RPS29: variants seen among roughly 807,000 people sequenced by gnomAD.
The protein encoded by RPS29 is ribosomal protein S29, also known as small ribosomal subunit protein uS14.
For synonymous variants in RPS29, 37 were observed against 26.9 expected (o/e 1.37, Z -1.16); for missense variants, 60 against 75.7 (o/e 0.79, Z 0.77).
intron 2 of RPS29, chr14:49,585,652 G>A: frequency 2.3e-6 from 1 of 438,954 alleles, no homozygotes; most frequent in Non-Finnish European, 4.0e-6. Flanking sequence ...CAATTTTAGT[G>A]GCTTCTCTAA....
At chr14:49,580,930 A>G (rs1487530014), downstream of RPS29, among the ~76,000 whole-genome samples, 1 of 151,864 alleles carries the variant, frequency 6.6e-6, no homozygotes, top group Non-Finnish European at 1.5e-5. Context: ...TCACGCCTGT[A>G]ATCCCAGCAC....
intron 2 of RPS29, chr14:49,585,583 TA>T (rs71441227): frequency 0.096 from 27,135 of 282,294 alleles, 1 homozygote; most frequent in East Asian, 0.17. Context: ...ACCCTATCTC[TA>T]AAAAAAAAAA....
chr14:49,585,674 C>A, intron 2 of RPS29: 1 of 449,670 alleles, frequency 2.2e-6, no homozygotes, highest in South Asian at 5.1e-5. Context: ...GTGAATTTCA[C>A]CAAACACAAT....
At chr14:49,580,572 T>C (rs989783225), downstream of RPS29, among the ~76,000 whole-genome samples, 3 of 152,084 alleles carry the variant, frequency 2.0e-5, no homozygotes, top group Non-Finnish European at 2.9e-5. Flanking sequence ...TTCAATCACA[T>C]GTTTTCAAAA....
At chr14:49,583,047 G>A (rs972730624), downstream of RPS29, among the ~76,000 whole-genome samples, 3 of 152,124 alleles carry the variant, frequency 2.0e-5, no homozygotes, top group African/African-American at 7.2e-5. Context: ...GTCTCAGTAT[G>A]TTGCCCAGGG....
exon 3 of RPS29, chr14:49,571,934 C>G (rs879710644): frequency 6.6e-6 from 1 of 152,074 alleles, no homozygotes; most frequent in Non-Finnish European, 1.5e-5. Flanking sequence ...GAAACCCCTA[C>G]GTTTTATTGT....
intron 1 of RPS29, among the ~76,000 whole-genome samples, chr14:49,593,051 G>A (rs920725964): frequency 2.0e-5 from 3 of 152,058 alleles, no homozygotes; most frequent in African/African-American, 7.2e-5. Flanking sequence ...TTATGTCACT[G>A]TTCCCCAGGA....
exon 3 of RPS29, chr14:49,577,257 TAAAA>T (rs888972256): frequency 1.9e-5 from 3 of 154,096 alleles, no homozygotes; most frequent in African/African-American, 7.2e-5. Flanking sequence ...AATAAAATTT[TAAAA>T]AATAAAACTG....
chr14:49,592,544 T>C (rs958034610), intron 1 of RPS29, among the ~76,000 whole-genome samples: 2 of 151,702 alleles, frequency 1.3e-5, no homozygotes, highest in African/African-American at 4.8e-5. Flanking sequence ...ATTTTGTATT[T>C]TTAGTAGAGA....
downstream of RPS29, among the ~76,000 whole-genome samples, chr14:49,581,701 T>G (rs1235596734): frequency 6.6e-6 from 1 of 152,118 alleles, no homozygotes; most frequent in Non-Finnish European, 1.5e-5. Flanking sequence ...TATCTACTCC[T>G]ATCTCCTGTA....
Position 49,586,242 on chromosome 14 carries a change from G to A in RPS29, c.62+43C>T, listed in dbSNP as rs766756129. On this transcript the variant is annotated intron_variant, in intron 1 of 2. Transcript: ENST00000245458. ...TACTTGAGATTTTAAGCAGCCTAGC[G>A]CTCCACGGCAACGCTTCCCCAAAAT... 6.3e-6 allele frequency: 10 copies of A among 1,591,282 alleles called. No individual in the cohort carries two copies. The East Asian group carries it at 1.1e-4, about 18-fold the overall frequency.
upstream of RPS29, chr14:49,586,999 T>C (rs1406524608): frequency 1.3e-5 from 2 of 152,618 alleles, no homozygotes; most frequent in Admixed American, 1.3e-4. Flanking sequence ...AAGGAGTTTT[T>C]CCTCGACTCA....
Position 49,583,737 on chromosome 14 carries a change from A to C in RPS29, c.163-62T>G. On this transcript the variant is annotated intron_variant, in intron 2 of 2. Coordinates refer to ENST00000245458, the MANE Select transcript of RPS29 (RefSeq NM_001032.5). ...CTTTAAATCTCTACTTGATTCTCAC[A>C]AAAAAAAGGCTCATTATAGAATGTT... 1.0e-5 allele frequency: 10 copies of C among 991,854 alleles called. No homozygotes were observed. The South Asian group carries it at 1.1e-4, about 11-fold the overall frequency. The allele number at this position is 991,854 out of a possible 1,614,324, so 61.4% of individuals were successfully genotyped here.
intron 2 of RPS29, chr14:49,585,570 G>T (rs1170007688): frequency 3.2e-6 from 1 of 312,124 alleles, no homozygotes; most frequent in Non-Finnish European, 5.8e-6. Flanking sequence ...GCGACAGAGG[G>T]AGACCCTATC....
At chr14:49,588,923 G>A (rs1313422020), upstream of RPS29, among the ~76,000 whole-genome samples, 3 of 120,878 alleles carry the variant, frequency 2.5e-5, no homozygotes, top group African/African-American at 9.7e-5. Context: ...CTGGAGTCTC[G>A]CTCTGTGACC....
chr14:49,585,635 T>C (rs1881515979), intron 2 of RPS29: 2 of 434,122 alleles, frequency 4.6e-6, no homozygotes, highest in Non-Finnish European at 8.2e-6. Context: ...ATGAAACAAA[T>C]GTAAAACAAT....
intron 1 of RPS29, chr14:49,598,213 G>T: frequency 1.8e-6 from 1 of 569,964 alleles, no homozygotes; most frequent in Non-Finnish European, 3.1e-6. Context: ...ATTTTAAGGA[G>T]GCAAGACCAC....
chr14:49,572,935 T>C (rs1881088589), exon 3 of RPS29: 1 of 152,014 alleles, frequency 6.6e-6, no homozygotes, highest in Middle Eastern at 3.2e-3. Context: ...ATGCTGGTGA[T>C]GCACGCCTGT....
chr14:49,595,315 G>T (rs1881798817), intron 1 of RPS29, among the ~76,000 whole-genome samples: 1 of 152,150 alleles, frequency 6.6e-6, no homozygotes, highest in Non-Finnish European at 1.5e-5. Flanking sequence ...GTGGGGCATG[G>T]TGGCTCATAC....
Sources: gnomAD v4.1 joint callset for allele counts (sites outside exome capture counted in the v4.1 genomes callset) on GRCh38, gnomAD v4.1.1 for gene constraint, MANE v1.5 for transcripts, NCBI Gene and HGNC (gene_info 2026-07-23, HGNC 2026-07-21) for gene names.